PTPRD: variants seen among roughly 807,000 people sequenced by gnomAD.
PTPRD encodes protein tyrosine phosphatase receptor type D, also known as receptor-type tyrosine-protein phosphatase delta.
In PTPRD, 34 loss-of-function variants were observed where a neutral mutation model predicts 214.5. That is an observed-to-expected ratio of 0.16 (90% CI 0.12 to 0.21). The LOEUF (loss-of-function observed/expected upper bound fraction) is 0.21. Ranked by LOEUF, PTPRD falls within the 10% of genes least tolerant of loss-of-function variation. The pLI, the probability that PTPRD is intolerant of heterozygous loss-of-function variation, is 1.00. For missense variants in PTPRD, 2,545 were observed against 2,398.7 expected (o/e 1.06, Z -1.27); for synonymous variants, 1,128 against 845.7 (o/e 1.33, Z -5.79).
chr9:9,094,549 C>T (rs899620161), intron 10 of PTPRD, among the ~76,000 whole-genome samples: 38 of 152,142 alleles, frequency 2.5e-4, no homozygotes, highest in African/African-American at 8.9e-4. Context: ...ACTGAAGGAT[C>T]AAACACTACA....
At chr9:9,479,425 T>G (rs2095299090) in intron 8 of PTPRD, among the ~76,000 whole-genome samples, 1 of 151,932 alleles carries the variant, frequency 6.6e-6, no homozygotes, top group Non-Finnish European at 1.5e-5. Flanking sequence ...CAGAATTATT[T>G]CCCAATAATA....
At chr9:8,553,187 C>G (rs141243987) in intron 14 of PTPRD, among the ~76,000 whole-genome samples, 1 of 152,126 alleles carries the variant, frequency 6.6e-6, no homozygotes, top group East Asian at 1.9e-4. Context: ...TAGATTACAA[C>G]TAAACTCGGA....
chr9:9,808,713 T>C (rs928736937), intron 5 of PTPRD, among the ~76,000 whole-genome samples: 1 of 152,136 alleles, frequency 6.6e-6, no homozygotes, highest in African/African-American at 2.4e-5. Context: ...TACTATCCAC[T>C]CTAAAATTGC....
intron 12 of PTPRD, among the ~76,000 whole-genome samples, chr9:8,689,931 A>C (rs918042208): frequency 1.3e-5 from 2 of 151,998 alleles, no homozygotes; most frequent in African/African-American, 4.8e-5. Context: ...AACATGATGA[A>C]ACTCCCATCT....
intron 39 of PTPRD, among the ~76,000 whole-genome samples, chr9:8,347,834 AG>A: frequency 6.6e-6 from 1 of 152,272 alleles, no homozygotes; most frequent in African/African-American, 2.4e-5. Flanking sequence ...TCTAAAAGCC[AG>A]GAAGAGAGGC....
chr9:9,416,511 G>A (rs536806590), intron 8 of PTPRD, among the ~76,000 whole-genome samples: 2 of 152,126 alleles, frequency 1.3e-5, no homozygotes, highest in African/African-American at 4.8e-5. Flanking sequence ...TGTTATTGCT[G>A]TCAGAACACG....
intron 8 of PTPRD, among the ~76,000 whole-genome samples, chr9:9,409,601 G>A (rs1006746888): frequency 3.9e-5 from 6 of 151,944 alleles, no homozygotes; most frequent in Non-Finnish European, 8.8e-5. Flanking sequence ...AAGTCACTAA[G>A]ATGAGCTCAA....
chr9:9,603,635 T>G (rs1415510256), intron 7 of PTPRD, among the ~76,000 whole-genome samples: 1 of 151,790 alleles, frequency 6.6e-6, no homozygotes, highest in Non-Finnish European at 1.5e-5. Flanking sequence ...AGTGCATGTG[T>G]GAGGGATCTG....
intron 5 of PTPRD, among the ~76,000 whole-genome samples, chr9:9,914,759 C>A (rs1044117833): frequency 6.6e-6 from 1 of 152,180 alleles, no homozygotes; most frequent in African/African-American, 2.4e-5. Flanking sequence ...GCCAGCTGAG[C>A]CTGCTTGTGC....
At chr9:10,142,327 G>T (rs1182778866) in intron 3 of PTPRD, among the ~76,000 whole-genome samples, 2 of 151,326 alleles carry the variant, frequency 1.3e-5, no homozygotes, top group Non-Finnish European at 3.0e-5. Flanking sequence ...TACCATCAGA[G>T]TGAACAGGCA....
intron 9 of PTPRD, among the ~76,000 whole-genome samples, chr9:9,282,996 T>C (rs1170016421): frequency 6.6e-6 from 1 of 151,506 alleles, no homozygotes; most frequent in East Asian, 2.0e-4. Flanking sequence ...ATATCCACTC[T>C]CATCTGACTC....
intron 11 of PTPRD, among the ~76,000 whole-genome samples, chr9:8,885,549 T>C (rs1217340020): frequency 1.5e-5 from 2 of 137,306 alleles, no homozygotes; most frequent in East Asian, 4.7e-4. Flanking sequence ...CAGGCTGGAG[T>C]GCAATGGTGG....
At chr9:9,136,544 G>A (rs562112105) in intron 10 of PTPRD, among the ~76,000 whole-genome samples, 2 of 152,052 alleles carry the variant, frequency 1.3e-5, no homozygotes, top group Non-Finnish European at 2.9e-5. Flanking sequence ...AAAAGAGAAA[G>A]ACTAGCAAGT....
intron 3 of PTPRD, among the ~76,000 whole-genome samples, chr9:10,240,297 T>C (rs1188134229): frequency 3.3e-5 from 5 of 151,964 alleles, no homozygotes; most frequent in Non-Finnish European, 7.4e-5. Context: ...ACACTTGCTA[T>C]GCCTTTATCT....
At chr9:8,562,594 G>A (rs976406172) in intron 14 of PTPRD, among the ~76,000 whole-genome samples, 16 of 151,804 alleles carry the variant, frequency 1.1e-4, no homozygotes, top group African/African-American at 3.6e-4. Flanking sequence ...GTGCTGCCAC[G>A]CCTGGCTAAT....
chr9:9,911,908 G>C (rs1218103113), intron 5 of PTPRD, among the ~76,000 whole-genome samples: 4 of 151,982 alleles, frequency 2.6e-5, no homozygotes, highest in Non-Finnish European at 5.9e-5. Flanking sequence ...AAAATACAAA[G>C]AGATCATCTG....
intron 3 of PTPRD, among the ~76,000 whole-genome samples, chr9:10,196,352 C>A (rs2154328915): frequency 6.6e-6 from 1 of 152,122 alleles, no homozygotes; most frequent in South Asian, 2.1e-4. Flanking sequence ...ATAAATTTGT[C>A]AATATATGTA....
At chr9:9,954,082 G>C (rs924450200) in intron 4 of PTPRD, among the ~76,000 whole-genome samples, 4 of 151,840 alleles carry the variant, frequency 2.6e-5, no homozygotes, top group African/African-American at 4.8e-5. Flanking sequence ...GGATCACTGA[G>C]GTCAGAAGTT....
At chr9:8,557,339 G>A (rs2084184376) in intron 14 of PTPRD, among the ~76,000 whole-genome samples, 1 of 151,422 alleles carries the variant, frequency 6.6e-6, no homozygotes, top group African/African-American at 2.4e-5. Context: ...TACATGTCAT[G>A]CTCTGTTATT....
Sources: allele counts gnomAD v4.1 joint callset (sites outside exome capture counted in the v4.1 genomes callset), GRCh38; gene constraint gnomAD v4.1.1; transcripts MANE v1.5; gene names NCBI Gene and HGNC (gene_info 2026-07-23, HGNC 2026-07-21).